RNF13: variants seen among roughly 807,000 people sequenced by gnomAD.
RNF13 encodes E3 ubiquitin-protein ligase RNF13.
RNF13 carries 19 observed loss-of-function variants against 37.7 expected under a neutral mutation model. That is an observed-to-expected ratio of 0.50 (90% CI 0.35 to 0.74). The LOEUF is 0.74. RNF13 is among the 30% of genes least tolerant of loss of function. RNF13 has a pLI of 0.01. For synonymous variants in RNF13, 144 were observed against 157.8 expected (o/e 0.91, Z 0.65); for missense variants, 375 against 453.0 (o/e 0.83, Z 1.56).
chr3:149,857,403 G>T (rs925965920), intron 3 of RNF13, among the ~76,000 whole-genome samples: 3 of 152,174 alleles, frequency 2.0e-5, no homozygotes, highest in Admixed American at 6.5e-5. Context: ...GCACATCAGT[G>T]TTACAGAAGT....
chr3:149,858,998 A>G (rs1002511621), intron 3 of RNF13, among the ~76,000 whole-genome samples: 15 of 152,184 alleles, frequency 9.9e-5, no homozygotes, highest in Admixed American at 2.6e-4. Context: ...TGGATGTTTT[A>G]TTTGTGTTAC....
chr3:149,925,230 T>C (rs535222484), intron 8 of RNF13, among the ~76,000 whole-genome samples: 6 of 152,284 alleles, frequency 3.9e-5, no homozygotes, highest in African/African-American at 1.4e-4. Flanking sequence ...TGGAGTGGTG[T>C]TTATCATCAC....
Position 149,961,285 on chromosome 3 carries a change from T to A in RNF13, c.*181T>A. Reference sequence around the variant, plus strand: ...TTTATCTGCCAAGAATATACTTCATTCACTAATAATAGACTGGTGCTGTAA... The same window carrying A: ...TTTATCTGCCAAGAATATACTTCATACACTAATAATAGACTGGTGCTGTAA... On this transcript the variant is annotated 3_prime_UTR_variant, in exon 10 of 10. Transcript: ENST00000392894. 1.5e-6 allele frequency: 1 copy of A among 680,032 alleles called. No homozygotes were observed. The allele number at this position is 680,032 out of a possible 1,614,324, so 42.1% of individuals were successfully genotyped here. A position where few individuals can be genotyped will look rare whatever the true frequency, so the allele number is the denominator to read the frequency against.
intron 8 of RNF13, among the ~76,000 whole-genome samples, chr3:149,931,848 AC>A (rs1456984040): frequency 6.6e-6 from 1 of 151,838 alleles, no homozygotes; most frequent in Non-Finnish European, 1.5e-5. Flanking sequence ...GCTCCCTTCC[AC>A]CCTTCCCAGC....
intron 1 of RNF13, among the ~76,000 whole-genome samples, chr3:149,844,144 G>A (rs184038550): frequency 2.1e-4 from 32 of 152,228 alleles, no homozygotes; most frequent in African/African-American, 7.2e-4. Flanking sequence ...GTAAATATTT[G>A]TGTGCTTTTA....
At chr3:149,861,402 G>A (rs1724242145) in intron 3 of RNF13, among the ~76,000 whole-genome samples, 1 of 152,040 alleles carries the variant, frequency 6.6e-6, no homozygotes. Flanking sequence ...TAGATGAATG[G>A]ATTAAAAAAA....
chr3:149,906,645 C>CTTTTTTTTTTTTTTTTTTTT (rs35801459), intron 6 of RNF13, among the ~76,000 whole-genome samples: 4 of 79,154 alleles, frequency 5.1e-5, no homozygotes, highest in South Asian at 5.8e-4. Flanking sequence ...TTCAATTCTG[C>CTTTTTTTTTTTTTTTTTTTT]TTTTTTTTTT....
At chr3:149,834,411 G>A (rs1721383670) in intron 1 of RNF13, among the ~76,000 whole-genome samples, 1 of 152,206 alleles carries the variant, frequency 6.6e-6, no homozygotes. Flanking sequence ...CAATGGAATA[G>A]AATAAAGAGC....
At chr3:149,958,136 A>G (rs900567346) in intron 8 of RNF13, among the ~76,000 whole-genome samples, 1 of 152,250 alleles carries the variant, frequency 6.6e-6, no homozygotes, top group African/African-American at 2.4e-5. Flanking sequence ...ACCCAAATAT[A>G]CCTGTATTAG....
chr3:149,943,542 C>A (rs114648475), intron 8 of RNF13, among the ~76,000 whole-genome samples: 4,173 of 152,262 alleles, frequency 0.027, 84 homozygotes, highest in Non-Finnish European at 0.035. Flanking sequence ...TCCTCCAAAG[C>A]CCATAGTTTA....
rs761466641 is a variant in RNF13 at position 149,902,120 on chromosome 3, C to T, written c.458C>T (p.Ser153Leu). The stretch of plus-strand genomic sequence containing the variant: ...ATTCCATCTGTCTTTATTGGTGAAT[C>T]ATCAGCTAATTCTCTGAAAGATGAA... The part of the protein sequence containing the change: ...IDIPSVFIGE[S>L]SANSLKDEFT... Residue 153 changes from serine (S) to leucine (L), a missense_variant, in exon 6 of 10, where the codon TCA becomes TTA. Physicochemically the swap from Ser to Leu is moderately radical, Grantham distance 145 (BLOSUM62 -2). Transcript: ENST00000392894. 2 of 1,521,792 alleles carry T rather than the reference C, an allele frequency of 1.3e-6. No homozygotes were observed. The highest frequency in any genetic ancestry group is 1.8e-6 in the Non-Finnish European group (2 of 1,130,528). 94.3% of individuals were successfully genotyped at this position (1,521,792 alleles called of 1,614,324 possible). A position where few individuals can be genotyped will look rare whatever the true frequency, so the allele number is the denominator to read the frequency against.
chr3:149,899,143 A>G (rs1166627894), intron 5 of RNF13, among the ~76,000 whole-genome samples: 1 of 152,178 alleles, frequency 6.6e-6, no homozygotes, highest in African/African-American at 2.4e-5. Flanking sequence ...GGACTTTGGA[A>G]TTTATTCTAA....
intron 1 of RNF13, among the ~76,000 whole-genome samples, chr3:149,820,933 A>G (rs1719942966): frequency 1.3e-5 from 2 of 152,202 alleles, no homozygotes; most frequent in Admixed American, 1.3e-4. Context: ...TTCACTTAGC[A>G]AAATGTTTTC....
At chr3:149,899,597 C>A (rs1469515566) in intron 5 of RNF13, among the ~76,000 whole-genome samples, 3 of 152,158 alleles carry the variant, frequency 2.0e-5, no homozygotes, top group African/African-American at 7.2e-5. Context: ...AAAGTGCCAA[C>A]AGAGAGAACA....
At chr3:149,929,438 G>A (rs1364577921) in intron 8 of RNF13, among the ~76,000 whole-genome samples, 2 of 152,170 alleles carry the variant, frequency 1.3e-5, no homozygotes, top group Non-Finnish European at 2.9e-5. Flanking sequence ...TTCAAGATGA[G>A]ATTTTGGGTG....
chr3:149,851,110 A>G (rs906515551), intron 2 of RNF13: 1 of 152,234 alleles, frequency 6.6e-6, no homozygotes, highest in Non-Finnish European at 1.5e-5. Flanking sequence ...AGGCAAAGGT[A>G]TAAGATGGAC....
chr3:149,928,495 T>A (rs188860200), intron 8 of RNF13, among the ~76,000 whole-genome samples: 2 of 152,262 alleles, frequency 1.3e-5, no homozygotes, highest in African/African-American at 4.8e-5. Flanking sequence ...ATGGTTTTAT[T>A]TATGGACTCT....
intron 8 of RNF13, among the ~76,000 whole-genome samples, chr3:149,932,067 C>A (rs1463544008): frequency 1.3e-5 from 2 of 151,954 alleles, no homozygotes; most frequent in African/African-American, 4.8e-5. Flanking sequence ...GCCACATTTT[C>A]TTTATCCAGT....
At chr3:149,863,813 C>A (rs1418847258) in intron 3 of RNF13, among the ~76,000 whole-genome samples, 2 of 151,964 alleles carry the variant, frequency 1.3e-5, no homozygotes, top group Non-Finnish European at 2.9e-5. Context: ...TACATTTAAC[C>A]TCTTTATGTT....
Sources: gnomAD v4.1 joint callset for allele counts (sites outside exome capture counted in the v4.1 genomes callset) on GRCh38, gnomAD v4.1.1 for gene constraint, MANE v1.5 for transcripts, NCBI Gene and HGNC (gene_info 2026-07-23, HGNC 2026-07-21) for gene names.